AGBL3: variants seen among roughly 807,000 people sequenced by gnomAD.
The protein encoded by AGBL3 is cytosolic carboxypeptidase 3.
In AGBL3, 68 loss-of-function variants were observed where a neutral mutation model predicts 94.5. The ratio of observed to expected loss-of-function variants is 0.72; its 90% CI spans 0.59 to 0.88. AGBL3 has a LOEUF of 0.88. Ranked by LOEUF, AGBL3 falls within the 40% of genes least tolerant of loss-of-function variation. AGBL3 has a pLI of 0.00. For missense variants in AGBL3, 934 were observed against 1,103.8 expected (o/e 0.85, Z 2.18); for synonymous variants, 354 against 370.7 (o/e 0.95, Z 0.52).
At chr7:135,018,708 G>T (rs1814088452) in intron 5 of AGBL3, among the ~76,000 whole-genome samples, 1 of 152,028 alleles carries the variant, frequency 6.6e-6, no homozygotes, top group Non-Finnish European at 1.5e-5. Flanking sequence ...GAGTAGAAAA[G>T]ACAAATTTCA....
chr7:134,989,467 T>A (rs768925431), intron 3 of AGBL3, among the ~76,000 whole-genome samples, 157 bp downstream of exon 3: 11 of 152,242 alleles, frequency 7.2e-5, no homozygotes, highest in Non-Finnish European at 1.6e-4. Flanking sequence ...TTCAAACTTT[T>A]CAGGTTTGTT....
chr7:135,034,326 T>C lies in AGBL3; in HGVS notation c.735T>C (p.Ser245=). ...YSRGMRPLFY[S]EKEAKAHHIG... is the part of the protein sequence containing the mutation. ...GGGGTATGCGCCCACTGTTCTATTC[T>C]GAAAAAGAGGCCAAGGCTCATCACA... The change falls in exon 7 of 17, where the codon TCT becomes TCC. Residue 245 remains serine, a synonymous_variant. Coordinates refer to ENST00000436302, the MANE Select transcript of AGBL3 (RefSeq NM_178563.4). The C allele has an allele frequency of 1.3e-6, 2 of 1,551,684 alleles. No individual in the cohort carries two copies. The highest frequency in any genetic ancestry group is 2.4e-5 in the East Asian group (1 of 40,922).
intron 16 of AGBL3, chr7:135,129,058 A>G (rs991187422): frequency 6.2e-7 from 1 of 1,608,628 alleles, no homozygotes; most frequent in Non-Finnish European, 8.5e-7. Flanking sequence ...CAATGCCTCA[A>G]CTGCCCAGAA....
intron 9 of AGBL3, among the ~76,000 whole-genome samples, chr7:135,044,390 T>G (rs1817154198): frequency 6.6e-6 from 1 of 152,186 alleles, no homozygotes. Context: ...ATTGGTTGTT[T>G]CATATGGTAA....
At chr7:135,020,337 T>G (rs1258333981) in intron 5 of AGBL3, among the ~76,000 whole-genome samples, 3 of 152,216 alleles carry the variant, frequency 2.0e-5, no homozygotes, top group South Asian at 4.1e-4. Flanking sequence ...ATCAGAGAAA[T>G]GCAAATCAAA....
chr7:134,999,512 C>T (rs1040924536), intron 4 of AGBL3, among the ~76,000 whole-genome samples: 1 of 152,186 alleles, frequency 6.6e-6, no homozygotes, highest in Non-Finnish European at 1.5e-5. Context: ...TTTCATGGAC[C>T]CACATGCCCA....
intron 16 of AGBL3, among the ~76,000 whole-genome samples, chr7:135,122,518 C>T (rs1036972108): frequency 1.3e-5 from 2 of 152,084 alleles, no homozygotes; most frequent in African/African-American, 2.4e-5. Context: ...CGAAGCACAC[C>T]CCCCCAACCA....
chr7:135,128,291 CAAAAAAAAAAAAAAAAAAA>C lies in AGBL3; in HGVS notation c.2343-6540_2343-6522del, dbSNP rs61217008. The stretch of plus-strand genomic sequence containing the variant: ...TGGGCAACAGAGTGAGACTCCATCT[CAAAAAAAAAAAAAAAAAAA>C]AAAAAAAAACGAAAAAAAAAAACAA... On this transcript the variant is annotated intron_variant, in intron 16 of 16. Coordinates refer to ENST00000436302, the MANE Select transcript of AGBL3 (RefSeq NM_178563.4). Among the ~76,000 whole-genome samples, 4 of 58,070 alleles carry C rather than the reference CAAAAAAAAAAAAAAAAAAA, an allele frequency of 6.9e-5. No homozygotes were observed. The Admixed American group carries it at 1.3e-3, about 19-fold the overall frequency. 38.1% of individuals were successfully genotyped at this position (58,070 alleles called of 152,430 possible). A position where few individuals can be genotyped will look rare whatever the true frequency, so the allele number is the denominator to read the frequency against.
At chr7:135,093,206 A>G (rs1011142481) in intron 15 of AGBL3, 1 of 152,086 alleles carries the variant, frequency 6.6e-6, no homozygotes, top group African/African-American at 2.4e-5. Flanking sequence ...CAAGAAAAAA[A>G]AAAAGGCATC....
intron 15 of AGBL3, among the ~76,000 whole-genome samples, chr7:135,108,254 T>C (rs1825065744): frequency 6.6e-6 from 1 of 152,142 alleles, no homozygotes; most frequent in Non-Finnish European, 1.5e-5. Context: ...GATCCTGTCA[T>C]TGTGTTGTTA....
chr7:134,988,700 C>G (rs756983463), intron 2 of AGBL3, among the ~76,000 whole-genome samples: 3 of 151,742 alleles, frequency 2.0e-5, no homozygotes, highest in African/African-American at 7.3e-5. Flanking sequence ...TGCAATGGCG[C>G]GATCTCGGCT....
intron 16 of AGBL3, among the ~76,000 whole-genome samples, chr7:135,132,361 T>C (rs1393387535): frequency 6.6e-6 from 1 of 152,196 alleles, no homozygotes; most frequent in African/African-American, 2.4e-5. Context: ...TAGTTTAATA[T>C]TCAAAAAGTA....
At chr7:135,018,792 C>A (rs552595138) in intron 5 of AGBL3, among the ~76,000 whole-genome samples, 1 of 152,116 alleles carries the variant, frequency 6.6e-6, no homozygotes, top group African/African-American at 2.4e-5. Flanking sequence ...GGACAGGGTA[C>A]TGAAGAATGT....
chr7:135,059,969 G>A (rs2116693353), intron 12 of AGBL3, among the ~76,000 whole-genome samples: 1 of 152,308 alleles, frequency 6.6e-6, no homozygotes, highest in South Asian at 2.1e-4. Context: ...GACATGGGTA[G>A]GGTCAACTGG....
chr7:135,026,487 G>A (rs182925705), intron 5 of AGBL3, among the ~76,000 whole-genome samples: 7 of 151,006 alleles, frequency 4.6e-5, no homozygotes, highest in Admixed American at 2.0e-4. Context: ...GTTGGCCAGG[G>A]TGGTCTCGAA....
At chr7:135,099,701 A>T (rs911255422) in intron 15 of AGBL3, among the ~76,000 whole-genome samples, 2 of 152,062 alleles carry the variant, frequency 1.3e-5, no homozygotes, top group African/African-American at 4.8e-5. Context: ...TGCTAATCAG[A>T]TGTCTCCTCA....
intron 16 of AGBL3, among the ~76,000 whole-genome samples, chr7:135,124,417 A>G (rs1827572369): frequency 6.6e-6 from 1 of 152,230 alleles, no homozygotes; most frequent in South Asian, 2.1e-4. Context: ...AGAGACCCAA[A>G]AAGAGACAGA....
At chr7:135,055,498 T>A (rs1395500426) in intron 11 of AGBL3, among the ~76,000 whole-genome samples, 2 of 149,474 alleles carry the variant, frequency 1.3e-5, no homozygotes, top group Non-Finnish European at 3.0e-5. Context: ...TGTCAAATGC[T>A]TTATGTCAAA....
At chr7:134,990,365 TTC>T (rs1329627308) in intron 3 of AGBL3, among the ~76,000 whole-genome samples, 1 of 152,206 alleles carries the variant, frequency 6.6e-6, no homozygotes, top group African/African-American at 2.4e-5. Context: ...ATTTTGTGTT[TTC>T]TGTCTTCTTT....
Sources: gnomAD v4.1 joint callset for allele counts (sites outside exome capture counted in the v4.1 genomes callset) on GRCh38, gnomAD v4.1.1 for gene constraint, MANE v1.5 for transcripts, NCBI Gene and HGNC (gene_info 2026-07-23, HGNC 2026-07-21) for gene names.